CNTN6: variants seen among roughly 807,000 people sequenced by gnomAD.
CNTN6 encodes contactin-6.
Under a neutral mutation model 122.8 loss-of-function variants are expected in CNTN6, and 137 were observed. That is an observed-to-expected ratio of 1.12 (90% confidence interval 0.97 to 1.29). The LOEUF (loss-of-function observed/expected upper bound fraction) is 1.29. Among genes scored for constraint, CNTN6 ranks in the 50% most tolerant of loss-of-function variants. CNTN6 has a pLI of 0.00. For missense variants in CNTN6, 1,634 were observed against 1,223.4 expected (o/e 1.34, Z -5.01); for synonymous variants, 570 against 426.0 (o/e 1.34, Z -4.16).
At chr3:1,101,138 T>C (rs2090872150) in intron 1 of CNTN6, among the ~76,000 whole-genome samples, 1 of 152,168 alleles carries the variant, frequency 6.6e-6, no homozygotes, top group Non-Finnish European at 1.5e-5. Context: ...TATATTACCA[T>C]ATAGACAGAA....
At chr3:1,344,400 A>T (rs1182735158) in intron 11 of CNTN6, among the ~76,000 whole-genome samples, 2 of 152,188 alleles carry the variant, frequency 1.3e-5, no homozygotes, top group Non-Finnish European at 2.9e-5. Flanking sequence ...GGAAAGAAAA[A>T]GGGATTAATT....
chr3:1,381,908 C>G (rs962548955), intron 17 of CNTN6, among the ~76,000 whole-genome samples: 22 of 151,948 alleles, frequency 1.4e-4, no homozygotes, highest in Admixed American at 1.1e-3. Context: ...AGATACTCAC[C>G]AAGACGGTGC....
intron 4 of CNTN6, among the ~76,000 whole-genome samples, chr3:1,241,337 A>T (rs922092310): frequency 8.6e-5 from 13 of 151,908 alleles, no homozygotes; most frequent in Admixed American, 7.9e-4. Flanking sequence ...AGAACGGGCG[A>T]TGTTTCTCAG....
At chr3:1,302,181 A>G (rs1575614967) in intron 7 of CNTN6, among the ~76,000 whole-genome samples, 1 of 152,178 alleles carries the variant, frequency 6.6e-6, no homozygotes, top group East Asian at 1.9e-4. Flanking sequence ...TCTATTGTTT[A>G]TTATAAATCA....
At chr3:1,280,158 CTTTG>C (rs1285208568) in intron 5 of CNTN6, among the ~76,000 whole-genome samples, 5 of 152,104 alleles carry the variant, frequency 3.3e-5, no homozygotes, top group African/African-American at 9.7e-5. Context: ...TTGTTTTCAA[CTTTG>C]TTTAATCGGG....
chr3:1,300,297 T>C (rs1696983201), intron 7 of CNTN6, among the ~76,000 whole-genome samples: 1 of 152,026 alleles, frequency 6.6e-6, no homozygotes, highest in Non-Finnish European at 1.5e-5. Context: ...ATTCTGCTTT[T>C]ATATAAGCAA....
intron 1 of CNTN6, among the ~76,000 whole-genome samples, chr3:1,132,205 G>T (rs1008149803): frequency 2.0e-5 from 3 of 152,010 alleles, no homozygotes; most frequent in Non-Finnish European, 2.9e-5. Context: ...ATAACATCTT[G>T]TAATATGATC....
At chr3:1,186,138 A>T (rs34296474) in intron 2 of CNTN6, among the ~76,000 whole-genome samples, 26,122 of 152,172 alleles carry the variant, frequency 0.17, 2,961 homozygotes, top group East Asian at 0.5. Flanking sequence ...ACAAGAAATT[A>T]AATTCTCAGA....
In CNTN6 at chr3:1,131,470, T is replaced by C. The variant is rs181550860; in HGVS notation, c.-82-16457T>C. ...GTATGAGTGTTCAATGAATGGAGAT[T>C]AGCCCCAGAAGACAGGGAAGCAAAT... On this transcript the variant is annotated intron_variant, in intron 1 of 22. Coordinates refer to ENST00000446702, the MANE Select transcript of CNTN6 (RefSeq NM_001289080.2). Among the ~76,000 whole-genome samples the C allele has an allele frequency of 1.2e-4, 18 of 152,180 alleles. No individual in the cohort carries two copies. The East Asian group carries it at 3.5e-3, about 29-fold the overall frequency.
intron 20 of CNTN6, among the ~76,000 whole-genome samples, chr3:1,400,791 T>A (rs1022121728): frequency 1.3e-5 from 2 of 152,080 alleles, no homozygotes; most frequent in Admixed American, 6.6e-5. Flanking sequence ...GCAGTGAGAA[T>A]GACAAAGAGG....
chr3:1,248,168 A>G (rs2094607291), intron 4 of CNTN6, among the ~76,000 whole-genome samples: 1 of 152,042 alleles, frequency 6.6e-6, no homozygotes, highest in South Asian at 2.1e-4. Flanking sequence ...TATGAGGCTA[A>G]CTCTCCTTCC....
intron 5 of CNTN6, among the ~76,000 whole-genome samples, chr3:1,289,570 C>A (rs1039219193): frequency 6.6e-6 from 1 of 152,164 alleles, no homozygotes; most frequent in African/African-American, 2.4e-5. Flanking sequence ...CACTCAAACG[C>A]AAATATACAA....
intron 2 of CNTN6, among the ~76,000 whole-genome samples, chr3:1,162,460 G>C (rs2093158534): frequency 6.6e-6 from 1 of 152,194 alleles, no homozygotes. Flanking sequence ...ATCACAGAGG[G>C]AGAAGTGTGT....
chr3:1,326,055 T>C (rs1164653174), intron 9 of CNTN6, 104 bp downstream of exon 9: 1 of 992,832 alleles, frequency 1.0e-6, no homozygotes, highest in East Asian at 2.5e-5. Flanking sequence ...AATGGAGTCT[T>C]TGGTATGTTC....
intron 7 of CNTN6, among the ~76,000 whole-genome samples, chr3:1,320,883 A>G (rs1253653821): frequency 6.6e-6 from 1 of 151,726 alleles, no homozygotes. Flanking sequence ...AGATACCCAT[A>G]TTAGACTAAA....
chr3:1,144,587 AT>A lies in CNTN6; in HGVS notation c.-82-3339del, dbSNP rs200335929. 2.0e-4 allele frequency among the ~76,000 whole-genome samples: 24 copies of A among 119,498 alleles called. No individual in the cohort carries two copies. The East Asian group carries it at 5.3e-3, about 26-fold the overall frequency. The allele number at this position is 119,498 out of a possible 152,430, so 78.4% of individuals were successfully genotyped here. On this transcript the variant is annotated intron_variant, in intron 1 of 22. Transcript: ENST00000446702. ...CAAAACTCCATCTCATTAAAAAATA[AT>A]AATAATAAAAAATAAAAAATAAAAA... is the stretch of plus-strand genomic sequence containing the variant.
At chr3:1,198,684 T>A (rs1301840685) in intron 2 of CNTN6, among the ~76,000 whole-genome samples, 1 of 150,428 alleles carries the variant, frequency 6.6e-6, no homozygotes, top group African/African-American at 2.4e-5. Context: ...GTTGCAACAT[T>A]GCACTCCAGC....
chr3:1,319,903 G>A (rs1438938711), intron 7 of CNTN6, among the ~76,000 whole-genome samples: 1 of 145,096 alleles, frequency 6.9e-6, no homozygotes, highest in Non-Finnish European at 1.5e-5. Flanking sequence ...ACTACCCATA[G>A]ATAAAAACTT....
At chr3:1,228,277 A>T (rs1206155046) in intron 4 of CNTN6, among the ~76,000 whole-genome samples, 4 of 152,164 alleles carry the variant, frequency 2.6e-5, no homozygotes, top group Admixed American at 2.0e-4. Flanking sequence ...TAAGATAAAG[A>T]TGTATGATAT....
Sources: allele counts gnomAD v4.1 joint callset (sites outside exome capture counted in the v4.1 genomes callset), GRCh38; gene constraint gnomAD v4.1.1; transcripts MANE v1.5; gene names NCBI Gene and HGNC (gene_info 2026-07-23, HGNC 2026-07-21).